The following GATAD2B variants were observed in gnomAD, a reference collection of about 807,000 sequenced individuals.
The protein encoded by GATAD2B is GATA zinc finger domain containing 2B.
In GATAD2B, 8 loss-of-function variants were observed where a neutral mutation model predicts 64.3. The ratio of observed to expected loss-of-function variants is 0.12; its 90% CI spans 0.07 to 0.22. The LOEUF is 0.22. Among genes scored for constraint, GATAD2B ranks in the 10% least tolerant of loss-of-function variants. The pLI is 1.00. For synonymous variants in GATAD2B, 281 were observed against 271.3 expected (o/e 1.04, Z -0.35); for missense variants, 453 against 752.0 (o/e 0.60, Z 4.65).
At chr1:153,877,214 C>CTA (rs1676863186) in intron 1 of GATAD2B, among the ~76,000 whole-genome samples, 1 of 152,002 alleles carries the variant, frequency 6.6e-6, no homozygotes, top group South Asian at 2.1e-4. Flanking sequence ...GGTGACATGC[C>CTA]TATAGTCAGT....
At chr1:153,848,056 A>T (rs552678132) in intron 1 of GATAD2B, among the ~76,000 whole-genome samples, 1 of 152,192 alleles carries the variant, frequency 6.6e-6, no homozygotes, top group Non-Finnish European at 1.5e-5. Flanking sequence ...CCTTTAATAA[A>T]TTCCCCAGTT....
At chr1:153,881,782 C>CGTGTGTGT (rs60620987) in intron 1 of GATAD2B, among the ~76,000 whole-genome samples, 1 of 149,848 alleles carries the variant, frequency 6.7e-6, no homozygotes, top group Non-Finnish European at 1.5e-5. Flanking sequence ...AGGTTTTTTT[C>CGTGTGTGT]GTGTGTGTGT....
intron 1 of GATAD2B, among the ~76,000 whole-genome samples, chr1:153,855,604 T>C (rs4595397): frequency 0.29 from 44,749 of 152,074 alleles, 6,851 homozygotes; most frequent in Admixed American, 0.39. Flanking sequence ...TTACCTTTCA[T>C]TCAGAAAGTC....
chr1:153,918,869 T>C (rs1472511237), intron 1 of GATAD2B, among the ~76,000 whole-genome samples: 2 of 152,076 alleles, frequency 1.3e-5, no homozygotes, highest in Non-Finnish European at 2.9e-5. Flanking sequence ...GAGAATCACT[T>C]GAACCCAGGA....
At chr1:153,897,933 G>A (rs936739844) in intron 1 of GATAD2B, among the ~76,000 whole-genome samples, 5 of 148,892 alleles carry the variant, frequency 3.4e-5, no homozygotes, top group African/African-American at 1.2e-4. Flanking sequence ...ATGGCTTGAA[G>A]CTAGGAGTTC....
intron 1 of GATAD2B, among the ~76,000 whole-genome samples, chr1:153,895,830 T>C (rs1677572400): frequency 6.6e-6 from 1 of 151,942 alleles, no homozygotes; most frequent in Non-Finnish European, 1.5e-5. Flanking sequence ...TTGAGACTTT[T>C]ATACCTCTGA....
chr1:153,817,602 A>C (rs567934150), intron 5 of GATAD2B, 60 bp from the exon 6 acceptor site: 2 of 1,216,114 alleles, frequency 1.6e-6, no homozygotes, highest in Non-Finnish European at 2.2e-6. Flanking sequence ...ATAATACAGC[A>C]CAAAATGCAA....
chr1:153,845,038 AAC>A (rs1367104050), intron 1 of GATAD2B, among the ~76,000 whole-genome samples: 4 of 152,220 alleles, frequency 2.6e-5, no homozygotes, highest in Admixed American at 1.3e-4. Context: ...ATGACTTTAA[AAC>A]AGATATTAAT....
At chr1:153,869,889 G>GC (rs1408456304) in intron 1 of GATAD2B, among the ~76,000 whole-genome samples, 16 of 152,164 alleles carry the variant, frequency 1.1e-4, no homozygotes, top group African/African-American at 3.6e-4. Flanking sequence ...CACTTTGGGA[G>GC]GCTGAGGCGG....
At chr1:153,859,829 T>A (rs977565490) in intron 1 of GATAD2B, among the ~76,000 whole-genome samples, 1 of 151,768 alleles carries the variant, frequency 6.6e-6, no homozygotes, top group Non-Finnish European at 1.5e-5. Flanking sequence ...GGAGGGTAAA[T>A]TATATGGTCA....
Position 153,816,057 on chromosome 1 carries a change from AAAACAC to A in GATAD2B, c.1216+210_1216+215del, listed in dbSNP as rs1674469663. ...AACAGAGCGAGACTGCATCTCAAAC[AAAACAC>A]ACACACACACACACACACACACACA... On this transcript the variant is annotated intron_variant, in intron 7 of 10. Coordinates refer to ENST00000368655, the MANE Select transcript of GATAD2B (RefSeq NM_020699.4). This position sits in a 1 kb window ranked among gnomAD's most constrained non-coding sequence, Gnocchi z 4.9. Among the ~76,000 whole-genome samples, 1 of 63,624 alleles carries A rather than the reference AAAACAC, an allele frequency of 1.6e-5. No individual in the cohort carries two copies. Among genetic ancestry groups the A allele is most frequent in the Non-Finnish European group, 3.2e-5 (1 of 30,784 alleles). 41.7% of individuals were successfully genotyped at this position (63,624 alleles called of 152,430 possible).
intron 1 of GATAD2B, among the ~76,000 whole-genome samples, 192 bp from the exon 2 acceptor site, chr1:153,828,540 C>T (rs1194489536): frequency 4.6e-5 from 7 of 151,466 alleles, no homozygotes. Flanking sequence ...TGTCCTAGAA[C>T]ATTTATATTA....
chr1:153,841,067 G>A (rs1675473251), intron 1 of GATAD2B, among the ~76,000 whole-genome samples: 1 of 147,890 alleles, frequency 6.8e-6, no homozygotes, highest in Non-Finnish European at 1.5e-5. Context: ...CGAGGTTGCA[G>A]TGAACCGAGA....
chr1:153,893,782 A>C (rs1300527403), intron 1 of GATAD2B, among the ~76,000 whole-genome samples: 4 of 151,378 alleles, frequency 2.6e-5, no homozygotes, highest in African/African-American at 9.7e-5. Flanking sequence ...ACATGGTGAA[A>C]TCCCATCTCT....
intron 1 of GATAD2B, among the ~76,000 whole-genome samples, chr1:153,846,968 CTATTT>C (rs142664321): frequency 0.026 from 3,942 of 152,078 alleles, 169 homozygotes; most frequent in African/African-American, 0.088. Context: ...ACAGTCAAAG[CTATTT>C]TATTTTATTT....
At chr1:153,864,396 A>G (rs2101923818) in intron 1 of GATAD2B, among the ~76,000 whole-genome samples, 1 of 152,322 alleles carries the variant, frequency 6.6e-6, no homozygotes. Flanking sequence ...GCGGGAGGAG[A>G]GCCTAAGCTC....
chr1:153,818,217 T>G (rs561372320), intron 4 of GATAD2B, 46 bp from the exon 5 acceptor site: 2 of 1,528,424 alleles, frequency 1.3e-6, no homozygotes, highest in Non-Finnish European at 1.8e-6. Context: ...TAATCACAGG[T>G]GGAAATTTGG....
At chr1:153,894,808 G>C (rs1301865114) in intron 1 of GATAD2B, among the ~76,000 whole-genome samples, 2 of 151,956 alleles carry the variant, frequency 1.3e-5, no homozygotes, top group Non-Finnish European at 2.9e-5. Flanking sequence ...GTCGCAGTAA[G>C]TGGAGATTGC....
chr1:153,816,390 T>A lies in GATAD2B; in HGVS notation c.1099A>T (p.Ile367Phe). 1 of 1,613,972 alleles carries A rather than the reference T, an allele frequency of 6.2e-7. No individual in the cohort carries two copies. Among genetic ancestry groups the A allele is most frequent in the Non-Finnish European group, 8.5e-7 (1 of 1,179,848 alleles). Residue 367 changes from isoleucine to phenylalanine, a missense_variant, in exon 7 of 11, where the codon ATC (isoleucine) becomes TTC (phenylalanine). This residue lies in a region of GATAD2B where 160 missense variants were observed against 334.7 expected (regional missense o/e 0.48). Transcript: ENST00000368655. This position sits in a 1 kb window ranked among gnomAD's most constrained non-coding sequence, Gnocchi z 4.9. The part of the protein sequence containing the change: ...RKQLEKTLLE[I>F]PPPKPPAPLL... Reference sequence around the variant, plus strand: ...GGAGCAGGAGGTTTAGGGGGTGGGATCTCCAGGAGTGTCTTTTCCAGCTGT... The same window carrying A: ...GGAGCAGGAGGTTTAGGGGGTGGGAACTCCAGGAGTGTCTTTTCCAGCTGT...
Sources: gnomAD v4.1 joint callset for allele counts (sites outside exome capture counted in the v4.1 genomes callset) on GRCh38, gnomAD v4.1.1 for gene constraint, gnomAD v4.1.1 regional missense constraint, Gnocchi (gnomAD v3.1) non-coding constraint, MANE v1.5 for transcripts, NCBI Gene and HGNC (gene_info 2026-07-23, HGNC 2026-07-21) for gene names.